Variants in MAP7 observed in about 807,000 individuals in gnomAD.
MAP7 encodes microtubule associated protein 7.
In MAP7, 52 loss-of-function variants were observed where a neutral mutation model predicts 94.8. The observed-to-expected ratio is 0.55, with a 90% CI of 0.44 to 0.69. The LOEUF (loss-of-function observed/expected upper bound fraction) is 0.69, where lower values mean the gene tolerates loss of function less well. MAP7 is among the 30% of genes least tolerant of loss of function. The pLI is 0.00. For synonymous variants in MAP7, 350 were observed against 357.0 expected (o/e 0.98, Z 0.22); for missense variants, 940 against 964.6 (o/e 0.97, Z 0.34).
intron 5 of MAP7, among the ~76,000 whole-genome samples, chr6:136,385,496 T>C (rs1221027748): frequency 6.6e-6 from 1 of 152,142 alleles, no homozygotes. Context: ...TGGGGGAAAA[T>C]TGTGTCCACA....
chr6:136,368,287 C>T lies in MAP7; in HGVS notation c.877-1848G>A, dbSNP rs376784851. Among the ~76,000 whole-genome samples, 8 of 152,050 alleles carry T rather than the reference C, an allele frequency of 5.3e-5. No individual in the cohort carries two copies. The South Asian group carries it at 1.7e-3, about 32-fold the overall frequency. ...TTTGGGTACCACACATGTAAAGGCACTCCCAATTCTCATCCTGATCTGAGT... is the reference window on the plus strand; with the variant it reads ...TTTGGGTACCACACATGTAAAGGCATTCCCAATTCTCATCCTGATCTGAGT... On this transcript the variant is annotated intron_variant, in intron 8 of 17. Coordinates refer to ENST00000354570, the MANE Select transcript of MAP7 (RefSeq NM_003980.6).
At chr6:136,462,453 T>A (rs1582986805) in intron 1 of MAP7, among the ~76,000 whole-genome samples, 1 of 152,204 alleles carries the variant, frequency 6.6e-6, no homozygotes, top group Admixed American at 6.5e-5. Context: ...GCAGATTTTA[T>A]GTTTAAACTT....
intron 2 of MAP7, among the ~76,000 whole-genome samples, 159 bp from the exon 3 acceptor site, chr6:136,411,856 C>T (rs1206938208): frequency 2.0e-5 from 3 of 152,152 alleles, no homozygotes; most frequent in Non-Finnish European, 2.9e-5. Context: ...CAGTGATCTA[C>T]TCAATTATTA....
chr6:136,388,643 T>C (rs1395467476), intron 4 of MAP7, 133 bp from the exon 5 acceptor site: 1 of 700,734 alleles, frequency 1.4e-6, no homozygotes, highest in Non-Finnish European at 2.5e-6. Context: ...GCTGAACTTC[T>C]ATACCATAAG....
In MAP7 at chr6:136,535,036, GAAACCA is replaced by G. The variant is rs771094464; in HGVS notation, c.67+15300_67+15305del. ...TTATTTTTTGGTTTATTTATTAACT[GAAACCA>G]ATTGATACAGTTTGGATGCTTGTCT... On this transcript the variant is annotated intron_variant, in intron 1 of 17. Coordinates refer to ENST00000354570, the MANE Select transcript of MAP7 (RefSeq NM_003980.6). Among the ~76,000 whole-genome samples the G allele has an allele frequency of 1.3e-5, 2 of 152,118 alleles. 1 individual carries two copies. The highest frequency in any genetic ancestry group is 1.3e-4 in the Admixed American group (2 of 15,272).
chr6:136,525,992 T>A lies in MAP7; in HGVS notation c.67+24350A>T, dbSNP rs765652758. 1.6e-5 allele frequency: 24 copies of A among 1,480,026 alleles called. No homozygotes were observed. In the South Asian group the frequency reaches 1.9e-4, roughly 12 times the overall value. The allele number at this position is 1,480,026 out of a possible 1,614,324, so 91.7% of individuals were successfully genotyped here. A position where few individuals can be genotyped will look rare whatever the true frequency, so the allele number is the denominator to read the frequency against. On this transcript the variant is annotated intron_variant, in intron 1 of 17. Coordinates refer to ENST00000354570, the MANE Select transcript of MAP7 (RefSeq NM_003980.6). ...CGCTGCTACTTGTTTTTTTTTTTTTTAATTGTGATTATATTAAAAATATAT... is the reference window on the plus strand; with the variant it reads ...CGCTGCTACTTGTTTTTTTTTTTTTAAATTGTGATTATATTAAAAATATAT...
intron 1 of MAP7, among the ~76,000 whole-genome samples, chr6:136,520,054 A>AG (rs1825939770): frequency 6.6e-6 from 1 of 152,090 alleles, no homozygotes; most frequent in Admixed American, 6.5e-5. Context: ...AAGAAAAAAA[A>AG]CAGCCAAGTG....
chr6:136,535,736 T>C (rs1169573788), intron 1 of MAP7, among the ~76,000 whole-genome samples: 1 of 151,398 alleles, frequency 6.6e-6, no homozygotes, highest in Admixed American at 6.6e-5. Context: ...GTATTTGTCA[T>C]CTTTTTTTTT....
rs772020079 is a variant in MAP7, at chr6:136,372,606, G to GA, written c.770dup (p.Met258HisfsTer9). 3.1e-6 allele frequency: 5 copies of GA among 1,614,170 alleles called. No individual in the cohort carries two copies. The highest frequency in any genetic ancestry group is 2.5e-6 in the Non-Finnish European group (3 of 1,180,014). ...TAGAGTGTGCAGCTTTGTAGGGCATGATGATGGGGCTGCAAGATGCTGAAC... is the reference window on the plus strand; with the variant it reads ...TAGAGTGTGCAGCTTTGTAGGGCATGAATGATGGGGCTGCAAGATGCTGAAC... On this transcript the variant is annotated frameshift_variant, in exon 8 of 18. Coordinates refer to ENST00000354570, the MANE Select transcript of MAP7 (RefSeq NM_003980.6). LOFTEE classifies it high-confidence loss of function.
At chr6:136,402,076 C>T (rs1460740686) in intron 3 of MAP7, among the ~76,000 whole-genome samples, 1 of 152,194 alleles carries the variant, frequency 6.6e-6, no homozygotes, top group Non-Finnish European at 1.5e-5. Context: ...TGCATCTTCA[C>T]ACACACCTCC....
At chr6:136,489,620 T>C (rs996215583) in intron 1 of MAP7, among the ~76,000 whole-genome samples, 2 of 148,986 alleles carry the variant, frequency 1.3e-5, no homozygotes, top group Non-Finnish European at 3.0e-5. Flanking sequence ...CTTTGCTTCC[T>C]GGGTTCAAGT....
At chr6:136,522,539 C>T (rs1301622926) in intron 1 of MAP7, among the ~76,000 whole-genome samples, 1 of 152,098 alleles carries the variant, frequency 6.6e-6, no homozygotes, top group Non-Finnish European at 1.5e-5. Flanking sequence ...AAACATTCAA[C>T]TCATCAAATT....
chr6:136,495,843 A>G (rs1033906369), intron 1 of MAP7, among the ~76,000 whole-genome samples: 1 of 152,208 alleles, frequency 6.6e-6, no homozygotes, highest in African/African-American at 2.4e-5. Context: ...TAAGGATCAC[A>G]GGTCTTGAAT....
intron 1 of MAP7, among the ~76,000 whole-genome samples, chr6:136,547,589 A>C (rs1472313741): frequency 6.6e-6 from 1 of 151,898 alleles, no homozygotes; most frequent in Non-Finnish European, 1.5e-5. Flanking sequence ...TTTTTTTCCC[A>C]GCTCTTAACT....
In MAP7 at chr6:136,372,606, G is replaced by A. The variant is rs1774887442; in HGVS notation, c.771C>T (p.Ile257=). ...SGEAASCSPI[I]MPYKAAHSRN... ...TAGAGTGTGCAGCTTTGTAGGGCAT[G>A]ATGATGGGGCTGCAAGATGCTGAAC... Residue 257 remains isoleucine, a synonymous_variant, in exon 8 of 18, where the codon ATC becomes ATT. Transcript: ENST00000354570. 3.7e-6 allele frequency: 6 copies of A among 1,614,052 alleles called. No individual in the cohort carries two copies. Among genetic ancestry groups the A allele is most frequent in the African/African-American group, 1.3e-5 (1 of 74,908 alleles).
At chr6:136,407,507 A>G (rs1299617073) in intron 3 of MAP7, among the ~76,000 whole-genome samples, 1 of 152,258 alleles carries the variant, frequency 6.6e-6, no homozygotes, top group Non-Finnish European at 1.5e-5. Flanking sequence ...TAAATGTATT[A>G]GCCTGAACTA....
intron 1 of MAP7, among the ~76,000 whole-genome samples, chr6:136,507,218 C>T (rs1357390284): frequency 6.6e-6 from 1 of 151,744 alleles, no homozygotes; most frequent in African/African-American, 2.4e-5. Context: ...TGTACTTAAG[C>T]GGGGGTCAAT....
chr6:136,448,336 G>C (rs144498936), intron 1 of MAP7, among the ~76,000 whole-genome samples: 7 of 151,830 alleles, frequency 4.6e-5, no homozygotes, highest in Admixed American at 1.3e-4. Context: ...TTGGCAACAC[G>C]ATTATTAAAC....
intron 1 of MAP7, among the ~76,000 whole-genome samples, chr6:136,522,821 C>G (rs1472718094): frequency 6.6e-6 from 1 of 152,182 alleles, no homozygotes; most frequent in Non-Finnish European, 1.5e-5. Context: ...CACTTGAAGA[C>G]AGGAGTTCAA....
Sources: gnomAD v4.1 joint callset for allele counts (sites outside exome capture counted in the v4.1 genomes callset) on GRCh38, gnomAD v4.1.1 for gene constraint, MANE v1.5 for transcripts, NCBI Gene and HGNC (gene_info 2026-07-23, HGNC 2026-07-21) for gene names.